The following MMP26 variants were observed in gnomAD, a reference collection of about 807,000 sequenced individuals.
MMP26 encodes the protein matrix metallopeptidase 26, also known as matrix metalloproteinase-26.
In MMP26, 33 loss-of-function variants were observed where a neutral mutation model predicts 31.0. The observed-to-expected ratio is 1.06, with a 90% CI of 0.81 to 1.42. The LOEUF is 1.42. Ranked by LOEUF, MMP26 falls within the 40% of genes most tolerant of loss-of-function variation. MMP26 has a pLI of 0.00. For synonymous variants in MMP26, 122 were observed against 114.9 expected (o/e 1.06, Z -0.40); for missense variants, 347 against 316.1 (o/e 1.10, Z -0.74).
At chr11:4,944,551 G>A (rs192030730) in intron 2 of MMP26, 2 of 152,358 alleles carry the variant, frequency 1.3e-5, no homozygotes, top group African/African-American at 4.8e-5. Flanking sequence ...TATTTTTTAA[G>A]CATTTGACAT....
chr11:4,856,480 A>G (rs1021280733), intron 2 of MMP26, among the ~76,000 whole-genome samples: 2 of 152,208 alleles, frequency 1.3e-5, no homozygotes, highest in Admixed American at 6.5e-5. Flanking sequence ...AAAGAAGGCC[A>G]TTACATAATG....
chr11:4,723,318 C>T (rs1358320697), intron 1 of MMP26: 4 of 977,020 alleles, frequency 4.1e-6, no homozygotes, highest in East Asian at 2.4e-5. Flanking sequence ...CCAGCATCTG[C>T]AGCTCCTCAT....
At chr11:4,862,910 C>A (rs570814672) in intron 2 of MMP26, among the ~76,000 whole-genome samples, 8 of 152,218 alleles carry the variant, frequency 5.3e-5, no homozygotes, top group Non-Finnish European at 8.8e-5. Flanking sequence ...CTTTGTGATG[C>A]CTGCCTAACC....
intron 2 of MMP26, among the ~76,000 whole-genome samples, chr11:4,934,882 T>C (rs2133594397): frequency 6.6e-6 from 1 of 151,322 alleles, no homozygotes; most frequent in Admixed American, 6.6e-5. Context: ...GATCAGATAG[T>C]TGTAGGTATG....
intron 2 of MMP26, chr11:4,768,933 T>G: frequency 7.5e-7 from 1 of 1,340,286 alleles, no homozygotes; most frequent in Non-Finnish European, 1.0e-6. Context: ...TTTTCTACAG[T>G]GCAAGTCATT....
At chr11:4,838,090 G>A (rs1164785622) in intron 2 of MMP26, among the ~76,000 whole-genome samples, 1 of 151,504 alleles carries the variant, frequency 6.6e-6, no homozygotes, top group Non-Finnish European at 1.5e-5. Context: ...GGCTGAGGCA[G>A]GCGGATCACG....
chr11:4,706,149 C>T (rs541683939), intron 1 of MMP26, among the ~76,000 whole-genome samples: 2 of 151,994 alleles, frequency 1.3e-5, no homozygotes, highest in African/African-American at 2.4e-5. Context: ...TTGTTTGGCA[C>T]GTAGAAGGCA....
intron 2 of MMP26, among the ~76,000 whole-genome samples, chr11:4,868,767 C>T (rs1850272480): frequency 6.6e-6 from 1 of 152,258 alleles, no homozygotes; most frequent in African/African-American, 2.4e-5. Context: ...CAAGATAATA[C>T]TAAGCCAAAA....
At chr11:4,862,203 C>G (rs1850171254) in intron 2 of MMP26, among the ~76,000 whole-genome samples, 1 of 152,190 alleles carries the variant, frequency 6.6e-6, no homozygotes, top group Non-Finnish European at 1.5e-5. Context: ...GCTGTTTTCA[C>G]ATTTGTGGGC....
rs568662005 is a variant in MMP26 at position 4,822,590 on chromosome 11, A to T, written c.-145+55249A>T. 11 of 403,666 alleles carry T rather than the reference A, an allele frequency of 2.7e-5. 1 individual carries two copies. In the South Asian group the frequency reaches 1.2e-3, roughly 43 times the overall value. 25.0% of individuals were successfully genotyped at this position (403,666 alleles called of 1,614,324 possible). A position where few individuals can be genotyped will look rare whatever the true frequency, so the allele number is the denominator to read the frequency against. ...TTCAATATGAAGTGAAGAAACATAT[A>T]TAAACAACTAATTATATTTGTAAGC... On this transcript the variant is annotated intron_variant, in intron 2 of 7. Transcript: ENST00000380390.
At chr11:4,848,938 C>A (rs1849929175) in intron 2 of MMP26, 2 of 1,613,856 alleles carry the variant, frequency 1.2e-6, no homozygotes, top group Admixed American at 1.7e-5. Context: ...AGGGCGATGC[C>A]CAGCAGTGTG....
chr11:4,910,931 A>T (rs946994834), intron 2 of MMP26, among the ~76,000 whole-genome samples: 1 of 152,188 alleles, frequency 6.6e-6, no homozygotes, highest in Admixed American at 6.6e-5. Flanking sequence ...CAATTGAAAC[A>T]TATAATCACA....
At chr11:4,742,355 C>G (rs11033661) in intron 1 of MMP26, among the ~76,000 whole-genome samples, 26,672 of 151,930 alleles carry the variant, frequency 0.18, 2,848 homozygotes, top group African/African-American at 0.31. Context: ...GCTCCTTTTG[C>G]GGAATAAGGA....
intron 2 of MMP26, among the ~76,000 whole-genome samples, chr11:4,981,310 G>C (rs1403217097): frequency 6.6e-6 from 1 of 152,048 alleles, no homozygotes; most frequent in Non-Finnish European, 1.5e-5. Flanking sequence ...ATTGTCATGA[G>C]AACATCGTAG....
rs1042254660 is a variant in MMP26, at chr11:4,781,420, G to A, written c.-145+14079G>A. On this transcript the variant is annotated intron_variant, in intron 2 of 7. Coordinates refer to ENST00000380390, the MANE Select transcript of MMP26 (RefSeq NM_021801.5). ...AAATTAGCCGGGCGCGGTGGCGGGCGCCTGTAGTCCCAGCTACTCGGGAGG... is the reference window on the plus strand; with the variant it reads ...AAATTAGCCGGGCGCGGTGGCGGGCACCTGTAGTCCCAGCTACTCGGGAGG... Among the ~76,000 whole-genome samples the A allele has an allele frequency of 3.9e-5, 4 of 101,956 alleles. 1 individual carries two copies. The highest frequency in any genetic ancestry group is 2.6e-4 in the South Asian group (1 of 3,854). The allele number at this position is 101,956 out of a possible 152,430, so 66.9% of individuals were successfully genotyped here.
chr11:4,981,227 G>A (rs1379872505), intron 2 of MMP26, among the ~76,000 whole-genome samples: 1 of 151,856 alleles, frequency 6.6e-6, no homozygotes, highest in Non-Finnish European at 1.5e-5. Flanking sequence ...AAAACATATA[G>A]GTGTGTTTGT....
intron 3 of MMP26, among the ~76,000 whole-genome samples, chr11:4,988,995 T>A (rs536152664): frequency 6.6e-6 from 1 of 152,162 alleles, no homozygotes; most frequent in Non-Finnish European, 1.5e-5. Context: ...ATAAGAACTG[T>A]GGAATAATAG....
At chr11:4,816,603 T>G (rs1849422272) in intron 2 of MMP26, among the ~76,000 whole-genome samples, 1 of 149,762 alleles carries the variant, frequency 6.7e-6, no homozygotes, top group Non-Finnish European at 1.5e-5. Context: ...TCCAGAAAAC[T>G]ATGGTCCAAA....
At chr11:4,796,070 T>C (rs1034383186) in intron 2 of MMP26, among the ~76,000 whole-genome samples, 1 of 152,142 alleles carries the variant, frequency 6.6e-6, no homozygotes, top group Non-Finnish European at 1.5e-5. Flanking sequence ...CAGAATTCCT[T>C]AGTTAAAGCA....
Sources: allele counts gnomAD v4.1 joint callset (sites outside exome capture counted in the v4.1 genomes callset), GRCh38; gene constraint gnomAD v4.1.1; transcripts MANE v1.5; gene names NCBI Gene and HGNC (gene_info 2026-07-23, HGNC 2026-07-21).